The following PIEZO2 variants were observed in gnomAD, a reference collection of about 807,000 sequenced individuals.
PIEZO2 encodes the protein piezo-type mechanosensitive ion channel component 2.
In PIEZO2, 172 loss-of-function variants were observed where a neutral mutation model predicts 337.3. The observed-to-expected ratio is 0.51, with a 90% confidence interval of 0.45 to 0.58. The LOEUF is 0.58. Among genes scored for constraint, PIEZO2 ranks in the 20% least tolerant of loss-of-function variants. The pLI is 0.00. For missense variants in PIEZO2, 3,028 were observed against 3,391.3 expected (o/e 0.89, Z 2.66); for synonymous variants, 1,251 against 1,228.5 (o/e 1.02, Z -0.38).
intron 3 of PIEZO2, among the ~76,000 whole-genome samples, chr18:10,919,061 CAG>C (rs1386919880): frequency 1.3e-5 from 2 of 151,914 alleles, no homozygotes; most frequent in Non-Finnish European, 2.9e-5. Flanking sequence ...TTTTTTAACA[CAG>C]AGTTGAGTTT....
At position 10,704,609 on chromosome 18, in the gene PIEZO2, C is replaced by T. The variant is rs552495360; in HGVS notation, c.6043G>A (p.Val2015Met). 7.9e-5 allele frequency: 122 copies of T among 1,537,238 alleles called. No homozygotes were observed. The highest frequency in any genetic ancestry group is 1.6e-4 in the Admixed American group (8 of 50,996). ...AGCAGCAGAAATCGGGGCTGCCCCA[C>T]GTAGAATTTCTCTGACTCTTCAAGC... The part of the protein sequence containing the change: ...DELEESEKFY[V>M]GQPRFLLLFY... Residue 2015 changes from valine to methionine, a missense_variant, in exon 42 of 56, where the codon GTG becomes ATG. Val to Met is a conservative substitution (Grantham distance 21, BLOSUM62 1). Around this residue, in one of 5 missense-constraint regions of PIEZO2, gnomAD observed 1,925 missense variants for 2,051.9 expected, o/e 0.94. Coordinates refer to ENST00000674853, the MANE Select transcript of PIEZO2 (RefSeq NM_001378183.1).
Position 10,705,425 on chromosome 18 carries a change from G to C in PIEZO2, c.5910C>G (p.Ser1970Arg). Residue 1970 changes from serine to arginine, a missense_variant, in exon 41 of 56, where the codon AGC (serine) becomes AGG (arginine). Around this residue, in one of 5 missense-constraint regions of PIEZO2, gnomAD observed 1,925 missense variants for 2,051.9 expected, o/e 0.94. Transcript: ENST00000674853. Reference sequence around the variant, plus strand: ...GCTTGTCGGTGCGGCTGTCGTCCGGGCTGACTGCCATACGGTTCTTGCCTG... The same window carrying C: ...GCTTGTCGGTGCGGCTGTCGTCCGGCCTGACTGCCATACGGTTCTTGCCTG... ...DSAGKNRMAVSPDDSRTDKLG... is the reference protein window; with the variant it reads ...DSAGKNRMAVRPDDSRTDKLG... 6.5e-7 allele frequency: 1 copy of C among 1,537,282 alleles called. No homozygotes were observed. Among genetic ancestry groups the C allele is most frequent in the Non-Finnish European group, 8.7e-7 (1 of 1,146,916 alleles).
Position 10,794,939 on chromosome 18 carries a change from A to G in PIEZO2, c.1591T>C (p.Trp531Arg). Residue 531 changes from tryptophan to arginine, a missense_variant, in exon 13 of 56, where the codon TGG becomes CGG. By Grantham distance (101) the Trp-to-Arg change is moderately radical. This residue lies in a region of PIEZO2 where 50 missense variants were observed against 88.2 expected (regional missense o/e 0.57). Coordinates refer to ENST00000674853, the MANE Select transcript of PIEZO2 (RefSeq NM_001378183.1). This position sits in a 1 kb window ranked among gnomAD's most constrained non-coding sequence, Gnocchi z 6.6. ...TATTTTCTTCTGTTGCGAATCATCC[A>G]AAGAGTGCACGACCAGATCAGCAGC... ...FVLLIWSCTL[W>R]MIRNRRKYAM... The G allele has an allele frequency of 6.5e-7, 1 of 1,546,248 alleles. No individual in the cohort carries two copies. Among genetic ancestry groups the G allele is most frequent in the Non-Finnish European group, 8.7e-7 (1 of 1,146,976 alleles).
At chr18:11,019,189 G>T (rs1024725286) in intron 2 of PIEZO2, among the ~76,000 whole-genome samples, 9 of 152,178 alleles carry the variant, frequency 5.9e-5, no homozygotes, top group African/African-American at 2.2e-4. Flanking sequence ...AGCCTTCTAA[G>T]GGTCCTCCCT....
intron 3 of PIEZO2, among the ~76,000 whole-genome samples, chr18:10,924,667 A>G (rs1273283946): frequency 6.6e-6 from 1 of 152,252 alleles, no homozygotes; most frequent in African/African-American, 2.4e-5. Flanking sequence ...GAGAGAAATA[A>G]GAAGAAAATA....
At position 10,899,017 on chromosome 18, in the gene PIEZO2, C is replaced by T. The variant is rs72975092; in HGVS notation, c.329+12169G>A. Reference sequence around the variant, plus strand: ...AAAGGCAGGGAGGCAGAGAATACAACATGTATTTAGGCAGCTTCACATCCA... The same window carrying T: ...AAAGGCAGGGAGGCAGAGAATACAATATGTATTTAGGCAGCTTCACATCCA... On this transcript the variant is annotated intron_variant, in intron 4 of 55. Transcript: ENST00000674853. This position sits in a 1 kb window ranked among gnomAD's most constrained non-coding sequence, Gnocchi z 4.6. Among the ~76,000 whole-genome samples, 228 of 152,306 alleles carry T rather than the reference C, an allele frequency of 1.5e-3. 1 individual carries two copies. Among genetic ancestry groups the T allele is most frequent in the Admixed American group, 4.6e-3 (70 of 15,298 alleles).
chr18:10,855,453 C>T lies in PIEZO2; in HGVS notation c.817G>A (p.Val273Ile). ...CCAGCAGTGAAAATAGCCAGCAGAA[C>T]ACAGAGACAGCTGAACAGCAATGGG... ...FDPLLFSCLC[V>I]LLAIFTAGHL... The change falls in exon 7 of 56, where the codon GTT (valine) becomes ATT (isoleucine). Residue 273 changes from valine to isoleucine, a missense_variant. Val to Ile is a conservative substitution (Grantham distance 29). Transcript: ENST00000674853. This position sits in a 1 kb window ranked among gnomAD's most constrained non-coding sequence, Gnocchi z 4.9. 1 of 1,537,134 alleles carries T rather than the reference C, an allele frequency of 6.5e-7. No homozygotes were observed. Among genetic ancestry groups the T allele is most frequent in the South Asian group, 1.2e-5 (1 of 84,058 alleles).
At position 11,132,776 on chromosome 18, in the gene PIEZO2, G is replaced by C. The variant is rs937322069; in HGVS notation, c.64+15749C>G. Among the ~76,000 whole-genome samples the C allele has an allele frequency of 2.0e-5, 3 of 152,186 alleles. No individual in the cohort carries two copies. On this transcript the variant is annotated intron_variant, in intron 1 of 55. Coordinates refer to ENST00000674853, the MANE Select transcript of PIEZO2 (RefSeq NM_001378183.1). The surrounding 1 kb of genome is among the most constrained non-coding windows in gnomAD (Gnocchi z 4.7). Reference sequence around the variant, plus strand: ...TTTAAGTCAACAGGCTAAGAAGGGAGTTACAGTGTTGGCTGCGGTGACTGA... The same window carrying C: ...TTTAAGTCAACAGGCTAAGAAGGGACTTACAGTGTTGGCTGCGGTGACTGA...
chr18:10,699,138 C>T lies in PIEZO2; in HGVS notation c.6481G>A (p.Gly2161Ser). The part of the protein sequence containing the change: ...LWDEDDMTES[G>S]MAREESDDEL... ...TCATCTGATTCCTCCCTGGCCATGC[C>T]ACTTTCAGTCATGTCATCTTCATCC... is the stretch of plus-strand genomic sequence containing the variant. Residue 2161 changes from glycine to serine, a missense_variant, in exon 44 of 56, where the codon GGC becomes AGC. By Grantham distance (56) the Gly-to-Ser change is moderately conservative. Around this residue, in one of 5 missense-constraint regions of PIEZO2, gnomAD observed 1,925 missense variants for 2,051.9 expected, o/e 0.94. Coordinates refer to ENST00000674853, the MANE Select transcript of PIEZO2 (RefSeq NM_001378183.1). 6.5e-7 allele frequency: 1 copy of T among 1,537,240 alleles called. No individual in the cohort carries two copies. The highest frequency in any genetic ancestry group is 8.7e-7 in the Non-Finnish European group (1 of 1,146,912).
rs979862533 is a variant in PIEZO2 at position 11,125,521 on chromosome 18, G to A, written c.64+23004C>T. ...CTAAGAGTCCAGCACACTTCATTAC[G>A]TTGTTGGATTGTTTCCTCAATACAT... On this transcript the variant is annotated intron_variant, in intron 1 of 55. Transcript: ENST00000674853. The surrounding 1 kb of genome is among the most constrained non-coding windows in gnomAD (Gnocchi z 4.4). Among the ~76,000 whole-genome samples the A allele has an allele frequency of 1.2e-4, 19 of 152,128 alleles. No individual in the cohort carries two copies. Among genetic ancestry groups the A allele is most frequent in the African/African-American group, 4.1e-4 (17 of 41,418 alleles).
intron 39 of PIEZO2, among the ~76,000 whole-genome samples, chr18:10,711,013 T>C (rs1432817637): frequency 6.6e-6 from 1 of 152,202 alleles, no homozygotes; most frequent in Non-Finnish European, 1.5e-5. Flanking sequence ...TTCCTACTAG[T>C]TATTGTATTT....
At chr18:10,909,775 G>C (rs1329901164) in intron 4 of PIEZO2, among the ~76,000 whole-genome samples, 1 of 152,164 alleles carries the variant, frequency 6.6e-6, no homozygotes, top group South Asian at 2.1e-4. Context: ...TTTAGAAAAA[G>C]ATTTCACATG....
intron 7 of PIEZO2, among the ~76,000 whole-genome samples, chr18:10,843,051 C>T (rs911506268): frequency 6.6e-6 from 1 of 152,150 alleles, no homozygotes; most frequent in African/African-American, 2.4e-5. Context: ...TGAACTTCAA[C>T]AATCCAAGTA....
chr18:10,701,728 A>T (rs976305207), intron 43 of PIEZO2: 2 of 350,104 alleles, frequency 5.7e-6, no homozygotes, highest in Non-Finnish European at 1.0e-5. Context: ...TAGGTTGGAA[A>T]CATGGGGAAA....
At chr18:10,734,428 G>A (rs1459669735) in intron 35 of PIEZO2, among the ~76,000 whole-genome samples, 4 of 152,158 alleles carry the variant, frequency 2.6e-5, no homozygotes, top group Non-Finnish European at 4.4e-5. Context: ...ATTTAAATAA[G>A]ACCCCAGGGT....
chr18:10,822,234 T>C (rs1316880700), intron 7 of PIEZO2, among the ~76,000 whole-genome samples: 6 of 152,236 alleles, frequency 3.9e-5, no homozygotes, highest in Non-Finnish European at 8.8e-5. Flanking sequence ...CCATTTGGGA[T>C]AGCAGTGACT....
chr18:10,754,845 G>C (rs1395911130), intron 27 of PIEZO2, among the ~76,000 whole-genome samples: 2 of 152,104 alleles, frequency 1.3e-5, no homozygotes, highest in African/African-American at 2.4e-5. Context: ...TTTGGGAGCT[G>C]GATTGCTTGA....
intron 33 of PIEZO2, among the ~76,000 whole-genome samples, chr18:10,737,286 A>AAAAAAAAAACC (rs367796080): frequency 1.5e-5 from 2 of 133,742 alleles, no homozygotes; most frequent in Admixed American, 7.5e-5. Flanking sequence ...AAGACATTTG[A>AAAAAAAAAACC]AAAAAAAAAA....
chr18:10,902,997 A>G (rs1307071225), intron 4 of PIEZO2, among the ~76,000 whole-genome samples: 1 of 152,258 alleles, frequency 6.6e-6, no homozygotes, highest in South Asian at 2.1e-4. Context: ...TTGCTCACTG[A>G]TGGGCAACAG....
Sources: gnomAD v4.1 joint callset for allele counts (sites outside exome capture counted in the v4.1 genomes callset) on GRCh38, gnomAD v4.1.1 for gene constraint, gnomAD v4.1.1 regional missense constraint, Gnocchi (gnomAD v3.1) non-coding constraint, MANE v1.5 for transcripts, NCBI Gene and HGNC (gene_info 2026-07-23, HGNC 2026-07-21) for gene names.